The following CEP70 variants were observed in gnomAD, a reference collection of about 807,000 sequenced individuals.
The protein encoded by CEP70 is centrosomal protein 70, also known as centrosomal protein of 70 kDa.
A neutral mutation model predicts 90.9 loss-of-function variants in CEP70; 70 were observed. The observed-to-expected ratio is 0.77, with a 90% CI of 0.64 to 0.94. The LOEUF (loss-of-function observed/expected upper bound fraction) is 0.94. Among genes scored for constraint, CEP70 ranks in the 40% least tolerant of loss-of-function variants. The probability of loss-of-function intolerance (pLI) is 0.00; values close to 1 mark genes in which losing one functional copy is unlikely to be tolerated. For synonymous variants in CEP70, 220 were observed against 228.3 expected (o/e 0.96, Z 0.33); for missense variants, 648 against 669.0 (o/e 0.97, Z 0.35).
At chr3:138,497,886 G>T in intron 17 of CEP70, 145 bp downstream of exon 17, 1 of 1,486,350 alleles carries the variant, frequency 6.7e-7, no homozygotes, top group Non-Finnish European at 8.9e-7. Context: ...AACTCTAACT[G>T]CTTGTAAGGA....
chr3:138,558,393 G>A lies in CEP70; in HGVS notation c.465+11925C>T, dbSNP rs1353058076. On this transcript the variant is annotated intron_variant, in intron 6 of 17. Coordinates refer to ENST00000264982, the MANE Select transcript of CEP70 (RefSeq NM_024491.4). ...AAAGAAAAGAAAAAGGAAACTCAAA[G>A]TAGCAAGTCTAGCTTTTGGAGCTAC... Among the ~76,000 whole-genome samples, 4 of 152,010 alleles carry A rather than the reference G, an allele frequency of 2.6e-5. No individual in the cohort carries two copies. In the East Asian group the frequency reaches 5.8e-4, roughly 22 times the overall value.
chr3:138,591,829 G>T, intron 2 of CEP70, 25 bp downstream of exon 2: 1 of 1,529,278 alleles, frequency 6.5e-7, no homozygotes, highest in South Asian at 1.2e-5. Flanking sequence ...CCAACATCTG[G>T]AGTCATCCGT....
chr3:138,582,017 C>T (rs1707390516), intron 2 of CEP70, among the ~76,000 whole-genome samples: 1 of 152,168 alleles, frequency 6.6e-6, no homozygotes. Context: ...ATACGTCAAA[C>T]ATGAATGAGC....
At chr3:138,549,979 C>T (rs2039500383) in intron 6 of CEP70, among the ~76,000 whole-genome samples, 1 of 152,088 alleles carries the variant, frequency 6.6e-6, no homozygotes, top group African/African-American at 2.4e-5. Flanking sequence ...CATTACAGCT[C>T]AGCTCTCAGG....
chr3:138,495,884 GAT>G (rs1405256858), intron 17 of CEP70: 1 of 985,120 alleles, frequency 1.0e-6, no homozygotes, highest in Non-Finnish European at 1.2e-6. Flanking sequence ...TAATCAAAAA[GAT>G]AGCCTCATCG....
chr3:138,553,144 C>T (rs1443190308), intron 6 of CEP70, among the ~76,000 whole-genome samples: 1 of 151,812 alleles, frequency 6.6e-6, no homozygotes, highest in Non-Finnish European at 1.5e-5. Context: ...AAACCCTAGA[C>T]AGACCAATAA....
intron 11 of CEP70, among the ~76,000 whole-genome samples, chr3:138,509,389 C>T (rs918979156): frequency 3.3e-5 from 5 of 152,140 alleles, no homozygotes; most frequent in African/African-American, 1.2e-4. Flanking sequence ...GTCAAGAGGG[C>T]GTGGAGATCC....
At chr3:138,563,077 T>A (rs2040524267) in intron 6 of CEP70, among the ~76,000 whole-genome samples, 1 of 150,110 alleles carries the variant, frequency 6.7e-6, no homozygotes, top group Non-Finnish European at 1.5e-5. Context: ...TAAAACAGAC[T>A]TTAAACCAAC....
chr3:138,543,498 G>A (rs982318936), intron 6 of CEP70, among the ~76,000 whole-genome samples: 2 of 152,230 alleles, frequency 1.3e-5, no homozygotes, highest in African/African-American at 2.4e-5. Context: ...GCCTGAGGGG[G>A]CAGGGGGCTT....
At chr3:138,547,448 T>C (rs568102916) in intron 6 of CEP70, among the ~76,000 whole-genome samples, 192 of 152,354 alleles carry the variant, frequency 1.3e-3, no homozygotes, top group African/African-American at 3.9e-3. Flanking sequence ...CAGTTGCAGT[T>C]TGAGGTGTGA....
At chr3:138,561,236 T>C (rs1326520529) in intron 6 of CEP70, among the ~76,000 whole-genome samples, 2 of 152,066 alleles carry the variant, frequency 1.3e-5, no homozygotes, top group Non-Finnish European at 2.9e-5. Flanking sequence ...CTGCTGGTGA[T>C]ACCCAGGCAA....
intron 13 of CEP70, among the ~76,000 whole-genome samples, chr3:138,503,944 A>G (rs1308876046): frequency 6.6e-6 from 1 of 152,206 alleles, no homozygotes; most frequent in East Asian, 1.9e-4. Flanking sequence ...ATTAGTCTGA[A>G]TCTTGTGTTC....
chr3:138,547,359 G>A (rs2039290883), intron 6 of CEP70, among the ~76,000 whole-genome samples: 2 of 152,222 alleles, frequency 1.3e-5, no homozygotes, highest in East Asian at 3.8e-4. Flanking sequence ...GAACATACGA[G>A]TTTCTGCTTA....
chr3:138,525,628 A>C (rs2037153125), intron 10 of CEP70, 64 bp from the exon 11 acceptor site: 1 of 734,220 alleles, frequency 1.4e-6, no homozygotes, highest in Non-Finnish European at 2.0e-6. Flanking sequence ...AGGTACTTAA[A>C]TATTAACGAC....
intron 11 of CEP70, among the ~76,000 whole-genome samples, chr3:138,518,405 C>A (rs541635801): frequency 6.6e-6 from 1 of 152,194 alleles, no homozygotes; most frequent in Non-Finnish European, 1.5e-5. Flanking sequence ...CCCTGACCCC[C>A]GAGTAGCCTA....
intron 11 of CEP70, among the ~76,000 whole-genome samples, chr3:138,520,745 T>C (rs1408449645): frequency 6.6e-6 from 1 of 152,288 alleles, no homozygotes; most frequent in African/African-American, 2.4e-5. Context: ...AGATCTAAAA[T>C]TGACACCTTA....
intron 12 of CEP70, 148 bp from the exon 13 acceptor site, chr3:138,505,613 T>G (rs950507277): frequency 2.1e-6 from 1 of 475,162 alleles, no homozygotes; most frequent in Admixed American, 4.3e-5. Context: ...AATTGGCTCA[T>G]GCAATTATGA....
At chr3:138,507,365 A>G (rs2035082676) in intron 12 of CEP70, among the ~76,000 whole-genome samples, 1 of 152,202 alleles carries the variant, frequency 6.6e-6, no homozygotes, top group African/African-American at 2.4e-5. Context: ...TAATCTATAA[A>G]GTCAATTCAA....
chr3:138,578,999 T>C (rs1443209502), intron 2 of CEP70, among the ~76,000 whole-genome samples: 4 of 152,164 alleles, frequency 2.6e-5, no homozygotes, highest in Non-Finnish European at 4.4e-5. Context: ...CATTTATAAA[T>C]TGCCAATACC....
Sources: allele counts gnomAD v4.1 joint callset (sites outside exome capture counted in the v4.1 genomes callset), GRCh38; gene constraint gnomAD v4.1.1; transcripts MANE v1.5; gene names NCBI Gene and HGNC (gene_info 2026-07-23, HGNC 2026-07-21).